The following SCHIP1 variants were observed in gnomAD, a reference collection of about 807,000 sequenced individuals.
The protein encoded by SCHIP1 is schwannomin interacting protein 1.
Under a neutral mutation model 29.7 loss-of-function variants are expected in SCHIP1, and 8 were observed. That is an observed-to-expected ratio of 0.27 (90% CI 0.16 to 0.49). The LOEUF (loss-of-function observed/expected upper bound fraction) is 0.49, where lower values mean the gene tolerates loss of function less well. Ranked by LOEUF, SCHIP1 falls within the 20% of genes least tolerant of loss-of-function variation. The pLI is 0.99. For missense variants in SCHIP1, 193 were observed against 294.6 expected, an observed-to-expected ratio of 0.66 and a Z score of 2.52; for synonymous variants, 76 against 94.9, an observed-to-expected ratio of 0.80 and a Z score of 1.16.
chr3:159,835,307 A>G (rs1743560704), upstream of SCHIP1, among the ~76,000 whole-genome samples: 1 of 152,220 alleles, frequency 6.6e-6, no homozygotes, highest in Non-Finnish European at 1.5e-5. Flanking sequence ...CAGTTTCAAA[A>G]GTGAGTAACT....
At chr3:159,579,493 G>A in the SCHIP1 span, among the ~76,000 whole-genome samples, 15 of 152,176 alleles carry the variant, frequency 9.9e-5, no homozygotes, top group African/African-American at 3.4e-4. Flanking sequence ...CGTGAGAGCT[G>A]AAATGTTTCT....
At chr3:159,304,994 ATC>A in the SCHIP1 span, among the ~76,000 whole-genome samples, 1 of 151,268 alleles carries the variant, frequency 6.6e-6, no homozygotes, top group African/African-American at 2.4e-5. Context: ...GCTCATAGAG[ATC>A]TCTTCTTCCC....
At chr3:159,585,617 C>A in the SCHIP1 span, among the ~76,000 whole-genome samples, 1 of 152,072 alleles carries the variant, frequency 6.6e-6, no homozygotes, top group Admixed American at 6.6e-5. Context: ...TAATTTAATT[C>A]TCCTAAGAAA....
chr3:159,651,460 C>T, the SCHIP1 span, among the ~76,000 whole-genome samples: 1 of 152,160 alleles, frequency 6.6e-6, no homozygotes, highest in African/African-American at 2.4e-5. Context: ...ATGACAAAGA[C>T]TGTGTCTATC....
the SCHIP1 span, among the ~76,000 whole-genome samples, chr3:159,782,757 C>G: frequency 4.9e-3 from 749 of 152,358 alleles, 9 homozygotes; most frequent in African/African-American, 0.017. Context: ...GTGCGCTGCT[C>G]TCTTGACATC....
chr3:159,505,700 C>G, the SCHIP1 span, among the ~76,000 whole-genome samples: 5 of 152,140 alleles, frequency 3.3e-5, no homozygotes, highest in African/African-American at 4.8e-5. Context: ...CGATTCCCAC[C>G]TATGAGTGAG....
the SCHIP1 span, among the ~76,000 whole-genome samples, chr3:159,509,391 A>G: frequency 6.6e-6 from 1 of 152,206 alleles, no homozygotes; most frequent in African/African-American, 2.4e-5. Context: ...TCCTGAATAG[A>G]GCACACTGAT....
the SCHIP1 span, among the ~76,000 whole-genome samples, chr3:159,670,888 G>GGT: frequency 2.6e-5 from 4 of 151,510 alleles, no homozygotes; most frequent in African/African-American, 4.9e-5. Context: ...TGGGTGTGTG[G>GGT]GTGTGTGTGT....
the SCHIP1 span, among the ~76,000 whole-genome samples, chr3:159,671,431 G>A: frequency 6.6e-6 from 1 of 152,076 alleles, no homozygotes; most frequent in African/African-American, 2.4e-5. Flanking sequence ...TTCTGCTTTA[G>A]AATTAGCATC....
At chr3:159,785,421 G>C in the SCHIP1 span, among the ~76,000 whole-genome samples, 2 of 152,038 alleles carry the variant, frequency 1.3e-5, no homozygotes, top group African/African-American at 4.8e-5. Context: ...ACATGTTATC[G>C]GGAGATGGAA....
chr3:159,802,657 A>G, the SCHIP1 span, among the ~76,000 whole-genome samples: 11 of 152,214 alleles, frequency 7.2e-5, no homozygotes, highest in African/African-American at 2.4e-4. Flanking sequence ...GATGGGAATG[A>G]CTGATGAATC....
the SCHIP1 span, among the ~76,000 whole-genome samples, chr3:159,626,695 T>C: frequency 6.6e-6 from 1 of 152,196 alleles, no homozygotes; most frequent in East Asian, 1.9e-4. Context: ...CATTCAGTTG[T>C]GAGAAGTATC....
chr3:159,560,198 T>G, the SCHIP1 span, among the ~76,000 whole-genome samples: 2 of 152,180 alleles, frequency 1.3e-5, no homozygotes, highest in Non-Finnish European at 2.9e-5. Flanking sequence ...TCAATAATAT[T>G]AATATCCTAG....
the SCHIP1 span, among the ~76,000 whole-genome samples, chr3:159,779,734 A>T: frequency 6.6e-6 from 1 of 151,952 alleles, no homozygotes; most frequent in South Asian, 2.1e-4. Flanking sequence ...GGTTTTGCCA[A>T]CAGGATCGGT....
the SCHIP1 span, among the ~76,000 whole-genome samples, chr3:159,456,635 G>C: frequency 6.6e-6 from 1 of 152,180 alleles, no homozygotes; most frequent in African/African-American, 2.4e-5. Context: ...AGAGCACTTG[G>C]AAGTATAGAG....
the SCHIP1 span, among the ~76,000 whole-genome samples, chr3:159,806,505 A>G: frequency 3.9e-5 from 6 of 152,264 alleles, no homozygotes; most frequent in Admixed American, 3.9e-4. Flanking sequence ...TTGTAATTCA[A>G]GCGTGAAATG....
the SCHIP1 span, among the ~76,000 whole-genome samples, chr3:159,368,448 G>T: frequency 1.4e-4 from 22 of 152,066 alleles, no homozygotes; most frequent in Non-Finnish European, 2.8e-4. Flanking sequence ...GCAGTTTTTA[G>T]CACTGGCCTA....
chr3:159,689,173 A>T, the SCHIP1 span, among the ~76,000 whole-genome samples: 34 of 152,188 alleles, frequency 2.2e-4, no homozygotes, highest in Non-Finnish European at 2.9e-5. Flanking sequence ...CACTGAATCT[A>T]CAAATTACTT....
the SCHIP1 span, among the ~76,000 whole-genome samples, chr3:159,750,263 G>GTATATA: frequency 0.028 from 673 of 24,294 alleles, 8 homozygotes; most frequent in East Asian, 0.11. Flanking sequence ...ATGTGTGTGT[G>GTATATA]TATATATATA....
Sources: allele counts gnomAD v4.1 joint callset (sites outside exome capture counted in the v4.1 genomes callset), GRCh38; gene constraint gnomAD v4.1.1; transcripts MANE v1.5; gene names NCBI Gene and HGNC (gene_info 2026-07-23, HGNC 2026-07-21).